WWOX: variants seen among roughly 807,000 people sequenced by gnomAD.
WWOX encodes the protein WW domain-containing oxidoreductase.
In WWOX, 69 loss-of-function variants were observed where a neutral mutation model predicts 46.2. The ratio of observed to expected loss-of-function variants is 1.49; its 90% CI spans 1.23 to 1.82. The LOEUF is 1.82. Among genes scored for constraint, WWOX ranks in the 40% most tolerant of loss-of-function variants. WWOX has a pLI of 0.00. For synonymous variants in WWOX, 359 were observed against 202.6 expected (o/e 1.77, Z -6.56); for missense variants, 919 against 542.6 (o/e 1.69, Z -6.89).
intron 8 of WWOX, among the ~76,000 whole-genome samples, chr16:78,719,270 C>T (rs2048639218): frequency 6.6e-6 from 1 of 151,948 alleles, no homozygotes; most frequent in African/African-American, 2.4e-5. Flanking sequence ...AACGGGTGAC[C>T]ATGGCTGAAG....
chr16:78,789,133 G>C (rs537325768), intron 8 of WWOX, among the ~76,000 whole-genome samples: 2 of 152,196 alleles, frequency 1.3e-5, no homozygotes, highest in East Asian at 3.9e-4. Context: ...TACCTCTGTG[G>C]TGTCACCCCT....
At chr16:78,978,683 GC>G (rs2151331072) in intron 8 of WWOX, among the ~76,000 whole-genome samples, 1 of 152,250 alleles carries the variant, frequency 6.6e-6, no homozygotes, top group African/African-American at 2.4e-5. Flanking sequence ...ATCTTACATC[GC>G]CAGAGCAGGA....
chr16:78,119,640 T>A (rs1011860021), intron 4 of WWOX, among the ~76,000 whole-genome samples: 9 of 151,156 alleles, frequency 6.0e-5, no homozygotes, highest in Non-Finnish European at 8.8e-5. Context: ...TTTTTTTTTT[T>A]AATGTTTGAG....
chr16:78,329,163 C>G (rs935598594), intron 5 of WWOX, among the ~76,000 whole-genome samples: 2 of 152,092 alleles, frequency 1.3e-5, no homozygotes, highest in African/African-American at 2.4e-5. Flanking sequence ...ACCCAGCCTG[C>G]TGATATATTT....
intron 5 of WWOX, among the ~76,000 whole-genome samples, chr16:78,203,245 C>A (rs552587873): frequency 6.6e-6 from 1 of 152,204 alleles, no homozygotes; most frequent in South Asian, 2.1e-4. Flanking sequence ...AGAGACCCAC[C>A]TTTGCCTGCC....
intron 8 of WWOX, among the ~76,000 whole-genome samples, chr16:79,178,097 C>G (rs1054996866): frequency 6.6e-6 from 1 of 152,136 alleles, no homozygotes; most frequent in African/African-American, 2.4e-5. Context: ...TTCAAAGGCC[C>G]TATCTTCTAA....
At chr16:78,423,643 C>T (rs566258936) in intron 6 of WWOX, among the ~76,000 whole-genome samples, 28 of 152,020 alleles carry the variant, frequency 1.8e-4, no homozygotes, top group Non-Finnish European at 1.6e-4. Context: ...CCTTGACCAC[C>T]TTGGGCAACA....
At chr16:78,906,430 A>G (rs1159966829) in intron 8 of WWOX, among the ~76,000 whole-genome samples, 1 of 152,120 alleles carries the variant, frequency 6.6e-6, no homozygotes, top group Non-Finnish European at 1.5e-5. Context: ...CCCTCCCCCA[A>G]GCTAAAATTC....
chr16:79,044,724 G>C (rs1051357708), intron 8 of WWOX, among the ~76,000 whole-genome samples: 2 of 152,162 alleles, frequency 1.3e-5, no homozygotes, highest in African/African-American at 2.4e-5. Context: ...TCTCTGAGCA[G>C]GATTATTGTA....
intron 8 of WWOX, among the ~76,000 whole-genome samples, chr16:78,709,056 T>C (rs2048383850): frequency 6.6e-6 from 1 of 152,194 alleles, no homozygotes; most frequent in African/African-American, 2.4e-5. Context: ...CCTGACCCCT[T>C]ATGAAGTGAC....
In WWOX at chr16:78,432,595, A is replaced by C; in HGVS notation, c.899A>C (p.Asn300Thr). 6.2e-7 allele frequency: 1 copy of C among 1,614,236 alleles called. No individual in the cohort carries two copies. The highest frequency in any genetic ancestry group is 8.5e-7 in the Non-Finnish European group (1 of 1,180,048). The change falls in exon 8 of 9, where the codon AAC becomes ACC. Residue 300 changes from asparagine to threonine, a missense_variant. Asn to Thr is a moderately conservative substitution (Grantham distance 65, BLOSUM62 0). Transcript: ENST00000566780. ...MLAYNRSKLC[N>T]ILFSNELHRR... ...GCTTATAACAGGTCCAAGCTCTGCA[A>C]CATCCTCTTCTCCAACGAGCTGCAC... is the stretch of plus-strand genomic sequence containing the variant.
rs572031886 is a variant in WWOX at position 79,100,769 on chromosome 16, G to T, written c.1057-110839G>T. Among the ~76,000 whole-genome samples, 13 of 152,276 alleles carry T rather than the reference G, an allele frequency of 8.5e-5. 1 individual carries two copies. In the South Asian group the frequency reaches 2.3e-3, roughly 27 times the overall value. ...TTCAGGGACTGGGGCTGGGCTTGCAGAAATAGGCCTTCTTCCCTTTGGAAC... is the reference window on the plus strand; with the variant it reads ...TTCAGGGACTGGGGCTGGGCTTGCATAAATAGGCCTTCTTCCCTTTGGAAC... On this transcript the variant is annotated intron_variant, in intron 8 of 8. Transcript: ENST00000566780.
Position 78,343,951 on chromosome 16 carries a change from T to A in WWOX, c.517-42909T>A, listed in dbSNP as rs756159366. Among the ~76,000 whole-genome samples, 29 of 120,720 alleles carry A rather than the reference T, an allele frequency of 2.4e-4. 7 individuals carry two copies. The highest frequency in any genetic ancestry group is 4.4e-4 in the Non-Finnish European group (22 of 50,548). The allele number at this position is 120,720 out of a possible 152,430, so 79.2% of individuals were successfully genotyped here. A position where few individuals can be genotyped will look rare whatever the true frequency, so the allele number is the denominator to read the frequency against. ...GTAGTCTAAATGTGGTTGCATCATCTTCTTTCTTCCTTTGCCTTCCTCCCT... is the reference window on the plus strand; with the variant it reads ...GTAGTCTAAATGTGGTTGCATCATCATCTTTCTTCCTTTGCCTTCCTCCCT... On this transcript the variant is annotated intron_variant, in intron 5 of 8. Transcript: ENST00000566780.
chr16:79,169,264 A>T (rs2050654744), intron 8 of WWOX, among the ~76,000 whole-genome samples: 1 of 121,526 alleles, frequency 8.2e-6, no homozygotes, highest in Non-Finnish European at 1.8e-5. Flanking sequence ...TGTTTTTAGC[A>T]CATCAAATGT....
chr16:78,452,025 C>G (rs1204273079), intron 8 of WWOX, among the ~76,000 whole-genome samples: 1 of 152,188 alleles, frequency 6.6e-6, no homozygotes, highest in African/African-American at 2.4e-5. Flanking sequence ...GACTCTAATA[C>G]ATTATATTCA....
chr16:78,617,493 G>T (rs138155797), intron 8 of WWOX, among the ~76,000 whole-genome samples: 220 of 152,030 alleles, frequency 1.4e-3, no homozygotes, highest in African/African-American at 5.2e-3. Flanking sequence ...AATGCTCAGT[G>T]CAGTGACTTT....
intron 5 of WWOX, among the ~76,000 whole-genome samples, chr16:78,179,283 T>G (rs1245285310): frequency 1.3e-5 from 2 of 152,210 alleles, no homozygotes; most frequent in Non-Finnish European, 2.9e-5. Flanking sequence ...AATTGAGGTA[T>G]GAATTAGTAA....
At chr16:78,376,517 C>T (rs2151925902) in intron 5 of WWOX, among the ~76,000 whole-genome samples, 1 of 152,196 alleles carries the variant, frequency 6.6e-6, no homozygotes, top group East Asian at 1.9e-4. Context: ...TTTATTTTTG[C>T]AACTAACAGT....
chr16:78,542,513 A>C (rs996689603), intron 8 of WWOX, among the ~76,000 whole-genome samples: 2 of 152,154 alleles, frequency 1.3e-5, no homozygotes, highest in Non-Finnish European at 2.9e-5. Flanking sequence ...CACATTGCTT[A>C]CTATTGTCAG....
Sources: gnomAD v4.1 joint callset for allele counts (sites outside exome capture counted in the v4.1 genomes callset) on GRCh38, gnomAD v4.1.1 for gene constraint, MANE v1.5 for transcripts, NCBI Gene and HGNC (gene_info 2026-07-23, HGNC 2026-07-21) for gene names.